The following FHIT variants were observed in gnomAD, a reference collection of about 807,000 sequenced individuals.
The protein encoded by FHIT is bis(5'-adenosyl)-triphosphatase.
In FHIT, 19 loss-of-function variants were observed where a neutral mutation model predicts 17.9. The observed-to-expected ratio is 1.06, with a 90% CI of 0.74 to 1.56. FHIT has a LOEUF of 1.56. Ranked by LOEUF, FHIT falls within the 40% of genes most tolerant of loss-of-function variation. FHIT has a pLI of 0.00. For missense variants in FHIT, 248 were observed against 189.2 expected, an observed-to-expected ratio of 1.31 and a Z score of -1.82; for synonymous variants, 81 against 69.7, an observed-to-expected ratio of 1.16 and a Z score of -0.81.
At chr3:59,850,871 G>A (rs1200649089) in intron 8 of FHIT, among the ~76,000 whole-genome samples, 4 of 152,174 alleles carry the variant, frequency 2.6e-5, no homozygotes, top group Non-Finnish European at 5.9e-5. Flanking sequence ...GGTGATCCTG[G>A]CAACCTAAAA....
Position 60,536,873 on chromosome 3 carries a change from A to G in FHIT, c.90T>C (p.Pro30=). The part of the protein sequence containing the change: ...ELSFALVNRK[P]VVPGHVLVCP... ...AAGAAAGGATACGTCCTGGTACCAC[A>G]GGTTTCCTATTCACAAGAGCGAAGG... is the stretch of plus-strand genomic sequence containing the variant. Residue 30 remains proline (P), a synonymous_variant, in exon 5 of 10, where the codon CCT becomes CCC. Transcript: ENST00000492590. 3 of 1,606,586 alleles carry G rather than the reference A, an allele frequency of 1.9e-6. No individual in the cohort carries two copies. The highest frequency in any genetic ancestry group is 2.5e-6 in the Non-Finnish European group (3 of 1,177,388).
At chr3:60,295,309 A>G (rs1057488418) in intron 5 of FHIT, among the ~76,000 whole-genome samples, 3 of 152,090 alleles carry the variant, frequency 2.0e-5, no homozygotes, top group African/African-American at 7.2e-5. Context: ...CTTACAAAGA[A>G]AAAAGGTTTA....
At chr3:61,019,446 G>A (rs1044315572) in intron 3 of FHIT, among the ~76,000 whole-genome samples, 6 of 152,180 alleles carry the variant, frequency 3.9e-5, no homozygotes, top group Non-Finnish European at 2.9e-5. Flanking sequence ...CCAATAATAA[G>A]TTTTGAAAAT....
intron 4 of FHIT, among the ~76,000 whole-genome samples, chr3:60,660,094 T>C (rs2040205123): frequency 6.6e-6 from 1 of 152,058 alleles, no homozygotes; most frequent in African/African-American, 2.4e-5. Context: ...TAAAATGTAC[T>C]AGTCTTTAAT....
At chr3:60,553,012 G>T (rs578050864) in intron 4 of FHIT, among the ~76,000 whole-genome samples, 1 of 152,264 alleles carries the variant, frequency 6.6e-6, no homozygotes, top group South Asian at 2.1e-4. Context: ...TCCTGAGAGG[G>T]AATGGCGCCC....
At chr3:60,981,419 C>T (rs1304897973) in intron 3 of FHIT, among the ~76,000 whole-genome samples, 1 of 151,716 alleles carries the variant, frequency 6.6e-6, no homozygotes, top group Non-Finnish European at 1.5e-5. Context: ...ATTCTCCTGC[C>T]TCAGCCTCCC....
intron 4 of FHIT, among the ~76,000 whole-genome samples, chr3:60,621,145 T>TC (rs1491264603): frequency 2.5e-4 from 1 of 3,998 alleles, no homozygotes; most frequent in East Asian, 2.3e-3. Context: ...CTACTTTTGA[T>TC]TTTTTTTTTT....
chr3:60,383,701 C>G (rs1301708556), intron 5 of FHIT, among the ~76,000 whole-genome samples: 1 of 151,888 alleles, frequency 6.6e-6, no homozygotes, highest in Non-Finnish European at 1.5e-5. Flanking sequence ...TCAAGCTTAA[C>G]CAAGTCCATG....
intron 5 of FHIT, among the ~76,000 whole-genome samples, chr3:60,487,260 C>T (rs1335015838): frequency 2.6e-5 from 4 of 152,196 alleles, no homozygotes; most frequent in Admixed American, 2.0e-4. Flanking sequence ...GTAAGAGCCT[C>T]GTGAAGGAAA....
intron 5 of FHIT, among the ~76,000 whole-genome samples, chr3:60,256,738 A>C (rs1385866824): frequency 6.6e-6 from 1 of 152,178 alleles, no homozygotes; most frequent in Admixed American, 6.5e-5. Context: ...CACCATCATA[A>C]TTCTAATCAT....
chr3:60,678,038 T>C (rs948135584), intron 4 of FHIT, among the ~76,000 whole-genome samples: 11 of 152,202 alleles, frequency 7.2e-5, no homozygotes, highest in Non-Finnish European at 1.2e-4. Flanking sequence ...TGACTTTTAT[T>C]TGGATCTTTT....
chr3:60,208,113 T>G (rs1318146961), intron 5 of FHIT, among the ~76,000 whole-genome samples: 2 of 152,194 alleles, frequency 1.3e-5, no homozygotes, highest in Non-Finnish European at 1.5e-5. Context: ...TGGGATACAT[T>G]TAAATCTGTC....
At chr3:61,177,698 A>T in intron 2 of FHIT, among the ~76,000 whole-genome samples, 1 of 152,178 alleles carries the variant, frequency 6.6e-6, no homozygotes, top group East Asian at 1.9e-4. Context: ...TAGACTAGTA[A>T]ACATAAAAAG....
At chr3:60,370,728 C>T (rs1700291953) in intron 5 of FHIT, among the ~76,000 whole-genome samples, 1 of 152,146 alleles carries the variant, frequency 6.6e-6, no homozygotes, top group Non-Finnish European at 1.5e-5. Context: ...CATCTCTGCT[C>T]TAATGCAATT....
At chr3:60,097,847 A>C (rs1704023384) in intron 5 of FHIT, among the ~76,000 whole-genome samples, 1 of 142,080 alleles carries the variant, frequency 7.0e-6, no homozygotes, top group South Asian at 2.5e-4. Context: ...TATATCTCCT[A>C]ATGCTATCCC....
intron 3 of FHIT, among the ~76,000 whole-genome samples, chr3:60,939,646 T>C (rs1414353310): frequency 6.6e-6 from 1 of 152,186 alleles, no homozygotes; most frequent in African/African-American, 2.4e-5. Context: ...TAAAGAATAC[T>C]ATTAGAAAAA....
chr3:59,852,551 A>C (rs1007548743), intron 8 of FHIT, among the ~76,000 whole-genome samples: 1 of 152,194 alleles, frequency 6.6e-6, no homozygotes, highest in Non-Finnish European at 1.5e-5. Flanking sequence ...ATAGTTTACA[A>C]GAGGATTCAG....
At chr3:60,592,811 A>C (rs1553664869) in intron 4 of FHIT, among the ~76,000 whole-genome samples, 1 of 152,132 alleles carries the variant, frequency 6.6e-6, no homozygotes, top group Non-Finnish European at 1.5e-5. Flanking sequence ...CAGAGGTAGT[A>C]GGAAAGTAGC....
chr3:59,858,002 T>A (rs1316398430), intron 8 of FHIT, among the ~76,000 whole-genome samples: 1 of 152,150 alleles, frequency 6.6e-6, no homozygotes, highest in African/African-American at 2.4e-5. Flanking sequence ...CTCAGCTTTA[T>A]GGCCAGTTGG....
Sources: gnomAD v4.1 joint callset for allele counts (sites outside exome capture counted in the v4.1 genomes callset) on GRCh38, gnomAD v4.1.1 for gene constraint, MANE v1.5 for transcripts, NCBI Gene and HGNC (gene_info 2026-07-23, HGNC 2026-07-21) for gene names.